Variants in UGT1A9 observed in about 807,000 individuals in gnomAD.
UGT1A9 encodes the protein UDP-glucuronosyltransferase 1A9.
In UGT1A9, 35 loss-of-function variants were observed where a neutral mutation model predicts 45.0. The observed-to-expected ratio is 0.78, with a 90% confidence interval of 0.59 to 1.03. The LOEUF (loss-of-function observed/expected upper bound fraction) is 1.03. Among genes scored for constraint, UGT1A9 ranks in the 50% least tolerant of loss-of-function variants. UGT1A9 has a pLI of 0.00. For missense variants in UGT1A9, 687 were observed against 666.6 expected, an observed-to-expected ratio of 1.03 and a Z score of -0.34; for synonymous variants, 278 against 250.6, an observed-to-expected ratio of 1.11 and a Z score of -1.03.
intron 1 of UGT1A9, among the ~76,000 whole-genome samples, chr2:233,710,938 C>T (rs1294280393): frequency 6.6e-6 from 1 of 152,316 alleles, no homozygotes; most frequent in East Asian, 1.9e-4. Context: ...TTGTTTAGGT[C>T]TTTGTTTATG....
chr2:233,767,352 C>A (rs1699374337), intron 2 of UGT1A9, among the ~76,000 whole-genome samples, 187 bp downstream of exon 2: 1 of 152,112 alleles, frequency 6.6e-6, no homozygotes, highest in African/African-American at 2.4e-5. Context: ...ATTTGACTCT[C>A]AAATACTCTA....
At chr2:233,704,040 A>C (rs2075765017) in intron 1 of UGT1A9, among the ~76,000 whole-genome samples, 1 of 151,878 alleles carries the variant, frequency 6.6e-6, no homozygotes, top group African/African-American at 2.4e-5. Context: ...ACAGGTGTGC[A>C]CCAACATGCC....
At chr2:233,676,080 A>T (rs536417091) in intron 1 of UGT1A9, among the ~76,000 whole-genome samples, 6 of 152,346 alleles carry the variant, frequency 3.9e-5, no homozygotes, top group Non-Finnish European at 7.3e-5. Flanking sequence ...GTGTGTCAAG[A>T]TCATTCAAAT....
intron 1 of UGT1A9, among the ~76,000 whole-genome samples, chr2:233,710,198 G>T (rs1472621460): frequency 6.6e-6 from 1 of 152,194 alleles, no homozygotes; most frequent in African/African-American, 2.4e-5. Flanking sequence ...ATAGTTTCCA[G>T]TTGTTGGCTA....
At chr2:233,742,803 G>T (rs1329943458) in intron 1 of UGT1A9, 1 of 153,428 alleles carries the variant, frequency 6.5e-6, no homozygotes, top group African/African-American at 2.4e-5. Context: ...TAAGCCAGAA[G>T]TATTGATATT....
In UGT1A9 at chr2:233,715,887, A is replaced by G. The variant is rs537598315; in HGVS notation, c.855+43098A>G. Among the ~76,000 whole-genome samples the G allele has an allele frequency of 2.0e-5, 3 of 152,316 alleles. No homozygotes were observed. In the East Asian group the frequency reaches 5.8e-4, roughly 29 times the overall value. ...GTAGCTTGTGCCTGTGGCCCCAGCT[A>G]CTTGGGAGGCTCAGGTGGGAGGATC... On this transcript the variant is annotated intron_variant, in intron 1 of 4. Coordinates refer to ENST00000354728, the MANE Select transcript of UGT1A9 (RefSeq NM_021027.3).
chr2:233,760,912 C>A (rs72551343), intron 1 of UGT1A9: 1 of 1,614,188 alleles, frequency 6.2e-7, no homozygotes, highest in South Asian at 1.1e-5. Context: ...CTTCCTGCAG[C>A]GGGTGAAGAA....
intron 1 of UGT1A9, among the ~76,000 whole-genome samples, chr2:233,719,884 G>A (rs2076812512): frequency 6.6e-6 from 1 of 152,164 alleles, no homozygotes; most frequent in South Asian, 2.1e-4. Flanking sequence ...AGGCACGGAT[G>A]AGGGTCTGTC....
rs115840798 is a variant in UGT1A9 at position 233,736,595 on chromosome 2, C to T, written c.856-30439C>T. Among the ~76,000 whole-genome samples, 665 of 152,242 alleles carry T rather than the reference C, an allele frequency of 4.4e-3. 8 individuals are homozygous for T. The highest frequency in any genetic ancestry group is 0.015 in the African/African-American group (625 of 41,542). ...ATCCTTTGGAGGAGATGTGCTTATG[C>T]GCTATGGTTTTTAGAATTTTCAGCT... is the stretch of plus-strand genomic sequence containing the variant. On this transcript the variant is annotated intron_variant, in intron 1 of 4. Transcript: ENST00000354728.
intron 1 of UGT1A9, among the ~76,000 whole-genome samples, chr2:233,688,020 C>T (rs764299629): frequency 1.8e-4 from 27 of 152,342 alleles, no homozygotes; most frequent in Non-Finnish European, 3.7e-4. Flanking sequence ...AATCAACCAT[C>T]ACCAATATCT....
chr2:233,722,001 G>C, intron 1 of UGT1A9: 1 of 262,504 alleles, frequency 3.8e-6, no homozygotes. Context: ...TGTCCTTTAA[G>C]TGAACAGGAA....
chr2:233,734,198 C>T (rs930421172), intron 1 of UGT1A9, among the ~76,000 whole-genome samples: 6 of 152,124 alleles, frequency 3.9e-5, no homozygotes, highest in African/African-American at 1.2e-4. Context: ...GCCTCAATTT[C>T]AGAGCCTGTT....
At chr2:233,677,805 G>A (rs1490185432) in intron 1 of UGT1A9, among the ~76,000 whole-genome samples, 6 of 151,870 alleles carry the variant, frequency 4.0e-5, no homozygotes, top group Non-Finnish European at 5.9e-5. Context: ...ACTGTCATTC[G>A]ACCCAGCAAT....
chr2:233,732,311 T>A (rs1163118726), intron 1 of UGT1A9, among the ~76,000 whole-genome samples: 3 of 152,222 alleles, frequency 2.0e-5, no homozygotes, highest in Admixed American at 6.5e-5. Flanking sequence ...CCCATTTGTC[T>A]ATTTTGGCTT....
rs777025300 is a variant in UGT1A9, at chr2:233,693,162, G to T, written c.855+20373G>T. ...ATAGTTGAGGTTCTCAGTGACCGGG[G>T]TCATGAGATTGTAGTGGTGGTGCCT... On this transcript the variant is annotated intron_variant, in intron 1 of 4. Coordinates refer to ENST00000354728, the MANE Select transcript of UGT1A9 (RefSeq NM_021027.3). The T allele has an allele frequency of 5.0e-6, 8 of 1,614,088 alleles. No homozygotes were observed. In the Admixed American group the frequency reaches 1.3e-4, roughly 27 times the overall value.
Position 233,745,045 on chromosome 2 carries a change from G to C in UGT1A9, c.856-21989G>C, listed in dbSNP as rs1692994086. Among the ~76,000 whole-genome samples the C allele has an allele frequency of 2.0e-5, 3 of 151,744 alleles. No homozygotes were observed. In the South Asian group the frequency reaches 6.2e-4, roughly 32 times the overall value. ...ATGTAAATAGTTGTTTTACAGTATT[G>C]GTTTTTTATTTGTATTATTTGTATT... On this transcript the variant is annotated intron_variant, in intron 1 of 4. Coordinates refer to ENST00000354728, the MANE Select transcript of UGT1A9 (RefSeq NM_021027.3).
At chr2:233,745,083 C>T (rs1426787719) in intron 1 of UGT1A9, among the ~76,000 whole-genome samples, 3 of 151,660 alleles carry the variant, frequency 2.0e-5, no homozygotes, top group East Asian at 3.8e-4. Flanking sequence ...TTTTTCATTG[C>T]TCTTCCCCCC....
At chr2:233,748,791 G>A (rs576937034) in intron 1 of UGT1A9, among the ~76,000 whole-genome samples, 1 of 151,524 alleles carries the variant, frequency 6.6e-6, no homozygotes, top group Admixed American at 6.6e-5. Flanking sequence ...TACTTGGAAT[G>A]CTGAAATTAT....
intron 1 of UGT1A9, chr2:233,718,950 ATGCGGGAGGCCT>A (rs1337113701): frequency 6.2e-7 from 1 of 1,614,178 alleles, no homozygotes. Flanking sequence ...CTGGCTCAGC[ATGCGGGAGGCCT>A]TGCGGGAGCT....
Sources: gnomAD v4.1 joint callset for allele counts (sites outside exome capture counted in the v4.1 genomes callset) on GRCh38, gnomAD v4.1.1 for gene constraint, MANE v1.5 for transcripts, NCBI Gene and HGNC (gene_info 2026-07-23, HGNC 2026-07-21) for gene names.